MTUS2: variants seen among roughly 807,000 people sequenced by gnomAD.
The protein encoded by MTUS2 is microtubule associated scaffold protein 2.
A neutral mutation model predicts 114.1 loss-of-function variants in MTUS2; 40 were observed. The observed-to-expected ratio is 0.35, with a 90% CI of 0.27 to 0.46. MTUS2 has a LOEUF of 0.46. MTUS2 is among the 20% of genes least tolerant of loss of function. MTUS2 has a pLI of 1.00. For synonymous variants in MTUS2, 688 were observed against 672.0 expected (o/e 1.02, Z -0.37); for missense variants, 1,679 against 1,705.4 (o/e 0.98, Z 0.27).
At chr13:29,030,199 C>A (rs1485031259) in intron 3 of MTUS2, among the ~76,000 whole-genome samples, 2 of 152,156 alleles carry the variant, frequency 1.3e-5, no homozygotes, top group East Asian at 3.8e-4. Context: ...ACTTCATTAT[C>A]TAGGCACCAC....
chr13:28,857,705 G>A (rs1220338451), intron 2 of MTUS2, among the ~76,000 whole-genome samples: 1 of 152,194 alleles, frequency 6.6e-6, no homozygotes, highest in Admixed American at 6.5e-5. Context: ...ATGTAAGAAA[G>A]TACTTAGGGA....
chr13:28,892,345 G>T (rs976069443), intron 2 of MTUS2, among the ~76,000 whole-genome samples: 1 of 152,100 alleles, frequency 6.6e-6, no homozygotes, highest in Admixed American at 6.5e-5. Context: ...TGAGGTCTTG[G>T]TAAGCATTTG....
Position 29,095,145 on chromosome 13 carries a change from G to A in MTUS2, c.2447-5628G>A, listed in dbSNP as rs181996024. ...AAAAATATGTATTCTGCTTCTCTTG[G>A]GTGGAATGTTTTATAGAGGTCTGTT... On this transcript the variant is annotated intron_variant, in intron 4 of 15. Coordinates refer to ENST00000612955, the MANE Select transcript of MTUS2 (RefSeq NM_001033602.4). Among the ~76,000 whole-genome samples, 115 of 152,058 alleles carry A rather than the reference G, an allele frequency of 7.6e-4. 1 individual carries two copies. The highest frequency in any genetic ancestry group is 3.4e-3 in the Middle Eastern group (1 of 294).
In MTUS2 at chr13:29,491,935, G is replaced by T. The variant is rs945796592; in HGVS notation, c.3506-711G>T. 5.5e-5 allele frequency among the ~76,000 whole-genome samples: 8 copies of T among 145,458 alleles called. No homozygotes were observed. In the South Asian group the frequency reaches 1.8e-3, roughly 33 times the overall value. ...TGTGTATGTGATGTGTGTGTGGTAG[G>T]TGTGTGTGTGGCATGTAGTGTGTGT... is the stretch of plus-strand genomic sequence containing the variant. On this transcript the variant is annotated intron_variant, in intron 11 of 15. Coordinates refer to ENST00000612955, the MANE Select transcript of MTUS2 (RefSeq NM_001033602.4).
rs751141691 is a variant in MTUS2, at chr13:28,939,130, G to T, written c.-242-85327G>T. On this transcript the variant is annotated intron_variant, in intron 2 of 15. Coordinates refer to ENST00000612955, the MANE Select transcript of MTUS2 (RefSeq NM_001033602.4). ...TTCCTCTCAAACTTTACAATGTTTCGCTTTTTACATTGAGCTTTCCTAGTT... is the reference window on the plus strand; with the variant it reads ...TTCCTCTCAAACTTTACAATGTTTCTCTTTTTACATTGAGCTTTCCTAGTT... Among the ~76,000 whole-genome samples the T allele has an allele frequency of 3.9e-5, 6 of 152,022 alleles. No homozygotes were observed. The South Asian group carries it at 1.0e-3, about 26-fold the overall frequency.
intron 8 of MTUS2, among the ~76,000 whole-genome samples, chr13:29,378,500 G>A (rs866957544): frequency 1.1e-4 from 16 of 152,162 alleles, no homozygotes; most frequent in Middle Eastern, 3.4e-3. Context: ...TGCCGTGCTC[G>A]TGCCCCCTCT....
chr13:28,826,065 A>G (rs759128306), intron 1 of MTUS2, among the ~76,000 whole-genome samples: 22 of 152,166 alleles, frequency 1.4e-4, no homozygotes, highest in Non-Finnish European at 2.5e-4. Context: ...GCCTTCTTCT[A>G]ATTGGTTGTA....
rs141227655 is a variant in MTUS2 at position 29,050,712 on chromosome 13, T to C, written c.2446+16587T>C. On this transcript the variant is annotated intron_variant, in intron 4 of 15. Transcript: ENST00000612955. ...AGAAGGACAGGGAAGCTCTGGACTT[T>C]CTGCCTCATGTCTTGAAAAGCTTTG... 4.0e-4 allele frequency among the ~76,000 whole-genome samples: 61 copies of C among 152,366 alleles called. 1 individual carries two copies. In the East Asian group the frequency reaches 0.011, roughly 28 times the overall value.
chr13:29,400,621 T>C (rs1251546681), intron 8 of MTUS2, among the ~76,000 whole-genome samples: 1 of 152,122 alleles, frequency 6.6e-6, no homozygotes, highest in Non-Finnish European at 1.5e-5. Context: ...GAATAGAGGG[T>C]CATCAGATGG....
intron 5 of MTUS2, among the ~76,000 whole-genome samples, chr13:29,267,388 T>A (rs1660573713): frequency 6.6e-6 from 1 of 152,176 alleles, no homozygotes; most frequent in Admixed American, 6.5e-5. Flanking sequence ...CTGTCCCTTG[T>A]GTTTCTTTCA....
At chr13:28,891,055 C>G (rs185195244) in intron 2 of MTUS2, among the ~76,000 whole-genome samples, 3 of 152,352 alleles carry the variant, frequency 2.0e-5, no homozygotes, top group Non-Finnish European at 4.4e-5. Flanking sequence ...GTTTTCCCCT[C>G]TGGACGAGCC....
chr13:28,977,618 CATCA>C lies in MTUS2; in HGVS notation c.-242-46834_-242-46831del, dbSNP rs1404427552. ...TAGGCTGTTAGTAGCTTCACATGTA[CATCA>C]ATCATCATAATGTTACTTCGCTGTA... On this transcript the variant is annotated intron_variant, in intron 2 of 15. Transcript: ENST00000612955. Among the ~76,000 whole-genome samples, 3 of 152,232 alleles carry C rather than the reference CATCA, an allele frequency of 2.0e-5. No individual in the cohort carries two copies. In the South Asian group the frequency reaches 6.2e-4, roughly 32 times the overall value.
chr13:28,965,977 A>G (rs1421952553), intron 2 of MTUS2, among the ~76,000 whole-genome samples: 1 of 152,236 alleles, frequency 6.6e-6, no homozygotes, highest in Non-Finnish European at 1.5e-5. Context: ...AGCCAAGCTG[A>G]TGTATAAAAA....
intron 5 of MTUS2, among the ~76,000 whole-genome samples, chr13:29,130,533 C>T (rs1891714494): frequency 6.6e-6 from 1 of 152,238 alleles, no homozygotes; most frequent in African/African-American, 2.4e-5. Flanking sequence ...TCTGCCCCTG[C>T]ACACTCAGCC....
chr13:29,127,054 G>C (rs79530812), intron 5 of MTUS2, among the ~76,000 whole-genome samples: 2,967 of 152,296 alleles, frequency 0.019, 107 homozygotes, highest in African/African-American at 0.067. Flanking sequence ...GGTGTCTCTT[G>C]TGTACCCACA....
intron 2 of MTUS2, among the ~76,000 whole-genome samples, chr13:28,944,877 A>G (rs1357065865): frequency 6.6e-6 from 1 of 152,196 alleles, no homozygotes; most frequent in East Asian, 1.9e-4. Context: ...TGTTACATGG[A>G]CATACTGTGT....
At chr13:29,360,241 A>G (rs774106856) in intron 8 of MTUS2, among the ~76,000 whole-genome samples, 9 of 152,150 alleles carry the variant, frequency 5.9e-5, no homozygotes, top group Non-Finnish European at 1.3e-4. Flanking sequence ...ACCTCCTGGT[A>G]TCTATACATG....
chr13:29,245,155 G>C (rs1293710857), intron 5 of MTUS2, among the ~76,000 whole-genome samples: 1 of 152,030 alleles, frequency 6.6e-6, no homozygotes, highest in Non-Finnish European at 1.5e-5. Context: ...ACATGCATCA[G>C]GATTAGTGAG....
intron 2 of MTUS2, among the ~76,000 whole-genome samples, chr13:28,841,651 AAGTT>A (rs1306355690): frequency 6.6e-6 from 1 of 151,088 alleles, no homozygotes; most frequent in Admixed American, 6.6e-5. Flanking sequence ...TGGTGATGCA[AAGTT>A]AGTTCTTTGT....
Sources: allele counts gnomAD v4.1 joint callset (sites outside exome capture counted in the v4.1 genomes callset), GRCh38; gene constraint gnomAD v4.1.1; transcripts MANE v1.5; gene names NCBI Gene and HGNC (gene_info 2026-07-23, HGNC 2026-07-21).